The following TEK variants were observed in gnomAD, a reference collection of about 807,000 sequenced individuals.
The protein encoded by TEK is angiopoietin-1 receptor.
In TEK, 43 loss-of-function variants were observed where a neutral mutation model predicts 131.8. The ratio of observed to expected loss-of-function variants is 0.33; its 90% confidence interval spans 0.26 to 0.42. TEK has a LOEUF of 0.42. TEK is among the 10% of genes least tolerant of loss of function. TEK has a pLI of 1.00. For synonymous variants in TEK, 580 were observed against 491.6 expected (o/e 1.18, Z -2.38); for missense variants, 1,162 against 1,384.4 (o/e 0.84, Z 2.55).
intron 18 of TEK, among the ~76,000 whole-genome samples, chr9:27,216,189 G>C (rs1036161555): frequency 6.6e-6 from 1 of 152,130 alleles, no homozygotes; most frequent in African/African-American, 2.4e-5. Context: ...TTAAGGAATA[G>C]AACTACATGG....
chr9:27,158,782 C>A (rs1393218435), intron 2 of TEK, among the ~76,000 whole-genome samples: 1 of 151,650 alleles, frequency 6.6e-6, no homozygotes, highest in African/African-American at 2.4e-5. Flanking sequence ...GCCTCAGCCT[C>A]CCAAGTAGCT....
At chr9:27,219,293 T>C (rs917170485) in intron 20 of TEK, among the ~76,000 whole-genome samples, 2 of 152,206 alleles carry the variant, frequency 1.3e-5, no homozygotes, top group Non-Finnish European at 2.9e-5. Flanking sequence ...CGTGGAATAC[T>C]ATGCAGCCAC....
Position 27,205,159 on chromosome 9 carries a change from A to C in TEK, c.2364+94A>C. 3 of 1,493,354 alleles carry C rather than the reference A, an allele frequency of 2.0e-6. No individual in the cohort carries two copies. The East Asian group carries it at 6.9e-5, about 34-fold the overall frequency. 92.5% of individuals were successfully genotyped at this position (1,493,354 alleles called of 1,614,324 possible). The stretch of plus-strand genomic sequence containing the variant: ...ATATGGACCAGGAAATTTACTTATA[A>C]AGTAAATATTTCCCTTAGGCAAGCC... On this transcript the variant is annotated intron_variant, in intron 14 of 22. Coordinates refer to ENST00000380036, the MANE Select transcript of TEK (RefSeq NM_000459.5).
intron 7 of TEK, among the ~76,000 whole-genome samples, chr9:27,183,087 CATT>C (rs1240944534): frequency 1.3e-5 from 2 of 152,144 alleles, no homozygotes; most frequent in Non-Finnish European, 2.9e-5. Context: ...TTTTTGTAAT[CATT>C]CATGTAAAAA....
chr9:27,211,970 A>C (rs1030997664), intron 16 of TEK, among the ~76,000 whole-genome samples: 2 of 151,226 alleles, frequency 1.3e-5, no homozygotes, highest in Admixed American at 1.3e-4. Context: ...AAAAGTAACA[A>C]AACTGGGCAA....
At chr9:27,196,854 TTTA>T (rs1392465319) in intron 11 of TEK, among the ~76,000 whole-genome samples, 1 of 136,352 alleles carries the variant, frequency 7.3e-6, no homozygotes, top group African/African-American at 2.7e-5. Flanking sequence ...AAAGCTCCTG[TTTA>T]TTTTATTTTT....
rs1346633847 is a variant in TEK, at chr9:27,168,410, C to G, written c.365-85C>G. On this transcript the variant is annotated intron_variant, in intron 2 of 22. Transcript: ENST00000380036. Reference sequence around the variant, plus strand: ...ATCTGACACCTAGCAAGTGCCAGCCCTCATTTTCTGAGTCTCAAAGCTCAA... The same window carrying G: ...ATCTGACACCTAGCAAGTGCCAGCCGTCATTTTCTGAGTCTCAAAGCTCAA... 7 of 1,053,060 alleles carry G rather than the reference C, an allele frequency of 6.6e-6. No homozygotes were observed. In the East Asian group the frequency reaches 1.2e-4, roughly 18 times the overall value. 65.2% of individuals were successfully genotyped at this position (1,053,060 alleles called of 1,614,324 possible).
intron 1 of TEK, among the ~76,000 whole-genome samples, chr9:27,137,181 G>C (rs937986740): frequency 7.9e-5 from 12 of 152,188 alleles, no homozygotes; most frequent in African/African-American, 2.9e-4. Flanking sequence ...GCCTCCCAAA[G>C]TGCTGGGATT....
chr9:27,225,255 G>A (rs1826269972), intron 21 of TEK, among the ~76,000 whole-genome samples: 1 of 151,984 alleles, frequency 6.6e-6, no homozygotes, highest in Non-Finnish European at 1.5e-5. Context: ...ATTTCATATG[G>A]AACCAAAAAA....
chr9:27,211,195 A>G (rs1190402962), intron 16 of TEK, among the ~76,000 whole-genome samples: 2 of 147,000 alleles, frequency 1.4e-5, no homozygotes, highest in South Asian at 4.2e-4. Flanking sequence ...GAATATATGT[A>G]TATATATGAA....
intron 21 of TEK, 125 bp from the exon 22 acceptor site, chr9:27,228,081 G>A: frequency 1.4e-6 from 1 of 703,326 alleles, no homozygotes; most frequent in South Asian, 1.7e-5. Flanking sequence ...ACTTCCTAGG[G>A]GCTGTACTTT....
chr9:27,134,088 T>G (rs1587495872), intron 1 of TEK, among the ~76,000 whole-genome samples: 1 of 152,198 alleles, frequency 6.6e-6, no homozygotes, highest in African/African-American at 2.4e-5. Flanking sequence ...TAGAGGCTGG[T>G]AATGCTTAGA....
In TEK at chr9:27,190,801, G is replaced by A. The variant is rs1824789963; in HGVS notation, c.1489+111G>A. 4.8e-6 allele frequency: 7 copies of A among 1,466,750 alleles called. No homozygotes were observed. The South Asian group carries it at 7.0e-5, about 15-fold the overall frequency. The allele number at this position is 1,466,750 out of a possible 1,614,324, so 90.9% of individuals were successfully genotyped here. On this transcript the variant is annotated intron_variant, in intron 10 of 22. Coordinates refer to ENST00000380036, the MANE Select transcript of TEK (RefSeq NM_000459.5). ...TGCCTCAATCCTCTACCTCAAGGTG[G>A]TGGCTGTTGCAGAGGATTCTGTTTC...
intron 1 of TEK, among the ~76,000 whole-genome samples, chr9:27,115,391 C>T (rs777378733): frequency 5.3e-5 from 8 of 151,902 alleles, no homozygotes; most frequent in Non-Finnish European, 7.4e-5. Context: ...CCCAGCTACT[C>T]GGGTGGCTGA....
chr9:27,194,901 C>G (rs1329041689), intron 11 of TEK, among the ~76,000 whole-genome samples: 1 of 152,056 alleles, frequency 6.6e-6, no homozygotes, highest in Non-Finnish European at 1.5e-5. Flanking sequence ...AGAACACTTT[C>G]TGAACATAGT....
At chr9:27,207,159 C>G (rs1461563486) in intron 15 of TEK, among the ~76,000 whole-genome samples, 1 of 152,234 alleles carries the variant, frequency 6.6e-6, no homozygotes, top group Non-Finnish European at 1.5e-5. Context: ...GGGCCCTACC[C>G]CACAATTTCT....
At chr9:27,197,724 A>G in intron 12 of TEK, 125 bp downstream of exon 12, 1 of 1,173,702 alleles carries the variant, frequency 8.5e-7, no homozygotes, top group Non-Finnish European at 1.2e-6. Context: ...GAGAAGGCTA[A>G]TTAGTGCCCC....
intron 4 of TEK, among the ~76,000 whole-genome samples, chr9:27,172,199 G>C (rs956676004): frequency 3.9e-5 from 6 of 152,146 alleles, no homozygotes; most frequent in African/African-American, 1.4e-4. Context: ...ACTGGTCAGA[G>C]ACCACACTTT....
chr9:27,120,470 G>A (rs1821744015), intron 1 of TEK, among the ~76,000 whole-genome samples: 1 of 152,266 alleles, frequency 6.6e-6, no homozygotes. Context: ...CAAGGCATAT[G>A]TGCAGGTGGA....
Sources: allele counts gnomAD v4.1 joint callset (sites outside exome capture counted in the v4.1 genomes callset), GRCh38; gene constraint gnomAD v4.1.1; transcripts MANE v1.5; gene names NCBI Gene and HGNC (gene_info 2026-07-23, HGNC 2026-07-21).